FAM124B: variants seen among roughly 807,000 people sequenced by gnomAD.
FAM124B encodes protein FAM124B.
A neutral mutation model predicts 19.7 loss-of-function variants in FAM124B; 18 were observed. The observed-to-expected ratio is 0.92, with a 90% CI of 0.63 to 1.36. The LOEUF (loss-of-function observed/expected upper bound fraction) is 1.36. Ranked by LOEUF, FAM124B falls within the 40% of genes most tolerant of loss-of-function variation. The pLI is 0.00. For missense variants in FAM124B, 540 were observed against 553.3 expected, an observed-to-expected ratio of 0.98 and a Z score of 0.24; for synonymous variants, 223 against 225.2, an observed-to-expected ratio of 0.99 and a Z score of 0.09.
At chr2:224,386,937 G>T (rs139266321) in intron 1 of FAM124B, among the ~76,000 whole-genome samples, 74 of 152,212 alleles carry the variant, frequency 4.9e-4, no homozygotes, top group African/African-American at 1.6e-3. Context: ...TTATTACTAT[G>T]GCTAGACATT....
Position 224,379,523 on chromosome 2 carries a change from T to G in FAM124B, c.*50A>C. On this transcript the variant is annotated 3_prime_UTR_variant, in exon 2 of 2. Transcript: ENST00000409685. The stretch of plus-strand genomic sequence containing the variant: ...TGATTCTGGGTCAGTACTCCATTTC[T>G]AGAACATTTTATCTGATCTTGTGTT... 6.8e-7 allele frequency: 1 copy of G among 1,476,464 alleles called. No homozygotes were observed. The highest frequency in any genetic ancestry group is 9.0e-7 in the Non-Finnish European group (1 of 1,113,764). The allele number at this position is 1,476,464 out of a possible 1,614,324, so 91.5% of individuals were successfully genotyped here.
chr2:224,393,976 C>G (rs1158894695), intron 1 of FAM124B, among the ~76,000 whole-genome samples: 1 of 152,118 alleles, frequency 6.6e-6, no homozygotes, highest in Admixed American at 6.5e-5. Flanking sequence ...ACACAAGCAA[C>G]TGGGGGCCCA....
chr2:224,400,088 T>A (rs895421645), intron 1 of FAM124B: 16 of 171,016 alleles, frequency 9.4e-5, no homozygotes, highest in African/African-American at 3.1e-4. Context: ...CAAGTTTTTT[T>A]AAGAAAGCAT....
At position 224,401,414 on chromosome 2, in the gene FAM124B, G is replaced by A; in HGVS notation, c.355C>T (p.Leu119=). 1 of 1,614,056 alleles carries A rather than the reference G, an allele frequency of 6.2e-7. No individual in the cohort carries two copies. The highest frequency in any genetic ancestry group is 8.5e-7 in the Non-Finnish European group (1 of 1,180,000). ...YFFANQEFYS[L]DSQLPIWGVR... is the part of the protein sequence containing the mutation. ...CCCCAGATGGGCAGCTGACTGTCCA[G>A]GCTGTAGAACTCCTGATTGGCAAAA... is the stretch of plus-strand genomic sequence containing the variant. The change falls in exon 1 of 2, where the codon CTG becomes TTG. Residue 119 remains leucine (L), a synonymous_variant. Coordinates refer to ENST00000409685, the MANE Select transcript of FAM124B (RefSeq NM_001122779.2).
chr2:224,382,705 C>T (rs1255377884), intron 1 of FAM124B, among the ~76,000 whole-genome samples: 1 of 152,100 alleles, frequency 6.6e-6, no homozygotes, highest in Admixed American at 6.5e-5. Flanking sequence ...ATCTCTCTAT[C>T]TTAAGAAGTT....
chr2:224,396,542 C>T (rs1689972731), intron 1 of FAM124B, among the ~76,000 whole-genome samples: 1 of 152,146 alleles, frequency 6.6e-6, no homozygotes, highest in African/African-American at 2.4e-5. Flanking sequence ...GTATAATTTT[C>T]TTACTTTTGC....
chr2:224,396,302 C>T (rs115221369), intron 1 of FAM124B, among the ~76,000 whole-genome samples: 3,688 of 152,208 alleles, frequency 0.024, 139 homozygotes, highest in African/African-American at 0.083. Flanking sequence ...TCGTCACCCA[C>T]GGTCACCTGT....
rs778455233 is a variant in FAM124B at position 224,401,213 on chromosome 2, G to A, written c.556C>T (p.Leu186Phe). ...CCCGGGGGCAGCTGCTTCAGGGAGAGCTGCAGAGCAAAGCTCTTGGAGGCA... is the reference window on the plus strand; with the variant it reads ...CCCGGGGGCAGCTGCTTCAGGGAGAACTGCAGAGCAAAGCTCTTGGAGGCA... The part of the protein sequence containing the change: ...LYASKSFALQ[L>F]SLKQLPPGMS... The change falls in exon 1 of 2, where the codon CTC becomes TTC. Residue 186 changes from leucine to phenylalanine, a missense_variant. By Grantham distance (22) the Leu-to-Phe change is conservative. Transcript: ENST00000409685. 23 of 1,614,052 alleles carry A rather than the reference G, an allele frequency of 1.4e-5. No homozygotes were observed. Among genetic ancestry groups the A allele is most frequent in the African/African-American group, 2.7e-5 (2 of 74,908 alleles).
At position 224,379,725 on chromosome 2, in the gene FAM124B, T is replaced by G; in HGVS notation, c.1216A>C (p.Lys406Gln). ...CTTTCCTTAAGGACACTGTTGTTTT[T>G]GGAGGTAGCCACCCCCAAGGAAGAG... ...PASSLGVATSKNNSVLKERVS... is the reference protein window; with the variant it reads ...PASSLGVATSQNNSVLKERVS... Residue 406 changes from lysine to glutamine, a missense_variant, in exon 2 of 2, where the codon AAA (lysine) becomes CAA (glutamine). By Grantham distance (53) the Lys-to-Gln change is moderately conservative. Transcript: ENST00000409685. 2 of 1,551,698 alleles carry G rather than the reference T, an allele frequency of 1.3e-6. No individual in the cohort carries two copies. Among genetic ancestry groups the G allele is most frequent in the South Asian group, 2.4e-5 (2 of 84,062 alleles).
chr2:224,389,090 C>G (rs1285914352), intron 1 of FAM124B, among the ~76,000 whole-genome samples: 1 of 152,136 alleles, frequency 6.6e-6, no homozygotes, highest in East Asian at 1.9e-4. Flanking sequence ...CGCCACCACA[C>G]CCAGCTAATG....
chr2:224,387,308 G>A (rs1014269672), intron 1 of FAM124B, among the ~76,000 whole-genome samples: 1 of 152,200 alleles, frequency 6.6e-6, no homozygotes, highest in Non-Finnish European at 1.5e-5. Context: ...TTATAACTCT[G>A]AACTCTTGAA....
rs1357688593 is a variant in FAM124B at position 224,398,008 on chromosome 2, T to C, written c.732+3029A>G. Among the ~76,000 whole-genome samples the C allele has an allele frequency of 3.9e-5, 6 of 152,200 alleles. No individual in the cohort carries two copies. The East Asian group carries it at 9.6e-4, about 24-fold the overall frequency. ...CTGCTCCTCCTTGCCTTCTGCATGA[T>C]TGTGAGGCTTCCCAAGCCACGTGGA... On this transcript the variant is annotated intron_variant, in intron 1 of 1. Transcript: ENST00000409685.
At chr2:224,382,625 T>C (rs1206440625) in intron 1 of FAM124B, among the ~76,000 whole-genome samples, 3 of 152,074 alleles carry the variant, frequency 2.0e-5, no homozygotes, top group African/African-American at 4.8e-5. Context: ...GTCAGGCTGG[T>C]CTCAAACTCC....
intron 1 of FAM124B, among the ~76,000 whole-genome samples, chr2:224,390,211 T>C (rs1477371600): frequency 2.6e-5 from 4 of 151,260 alleles, no homozygotes; most frequent in Non-Finnish European, 5.9e-5. Flanking sequence ...AACTGGGTTA[T>C]GACGGCCCAC....
At chr2:224,394,206 C>A (rs549427839) in intron 1 of FAM124B, among the ~76,000 whole-genome samples, 1 of 152,186 alleles carries the variant, frequency 6.6e-6, no homozygotes, top group African/African-American at 2.4e-5. Flanking sequence ...TACCTCTTCT[C>A]TCTCTACACT....
chr2:224,395,925 T>C (rs1372694879), intron 1 of FAM124B, among the ~76,000 whole-genome samples: 1 of 152,222 alleles, frequency 6.6e-6, no homozygotes, highest in Admixed American at 6.5e-5. Context: ...AGCACCACCA[T>C]GTACATTCTC....
intron 1 of FAM124B, among the ~76,000 whole-genome samples, chr2:224,394,515 C>T (rs1194236191): frequency 6.6e-6 from 1 of 152,180 alleles, no homozygotes; most frequent in Non-Finnish European, 1.5e-5. Flanking sequence ...GACTGGAAAA[C>T]TGAAGTCCCC....
At chr2:224,387,404 C>G (rs1000648527) in intron 1 of FAM124B, among the ~76,000 whole-genome samples, 48 of 152,254 alleles carry the variant, frequency 3.2e-4, no homozygotes, top group African/African-American at 1.0e-3. Flanking sequence ...ATGTTTCTCT[C>G]TGTAAGTGAT....
Position 224,401,804 on chromosome 2 carries a change from G to T in FAM124B, c.-36C>A. 6.3e-7 allele frequency: 1 copy of T among 1,580,908 alleles called. No individual in the cohort carries two copies. ...CCTGAGGCTGACAAAGACAGCGTGT[G>T]TAGAAGGCCCACTGTTCAAGTTTCT... On this transcript the variant is annotated 5_prime_UTR_variant, in exon 1 of 2. Coordinates refer to ENST00000409685, the MANE Select transcript of FAM124B (RefSeq NM_001122779.2).
Sources: allele counts gnomAD v4.1 joint callset (sites outside exome capture counted in the v4.1 genomes callset), GRCh38; gene constraint gnomAD v4.1.1; transcripts MANE v1.5; gene names NCBI Gene and HGNC (gene_info 2026-07-23, HGNC 2026-07-21).